MITF: variants seen among roughly 807,000 people sequenced by gnomAD.
MITF encodes the protein microphthalmia-associated transcription factor.
In MITF, 17 loss-of-function variants were observed where a neutral mutation model predicts 60.5. The observed-to-expected ratio is 0.28, with a 90% CI of 0.19 to 0.42. MITF has a LOEUF of 0.42. Ranked by LOEUF, MITF falls within the 10% of genes least tolerant of loss-of-function variation. The pLI is 1.00. For synonymous variants in MITF, 260 were observed against 248.5 expected (o/e 1.05, Z -0.43); for missense variants, 622 against 683.5 (o/e 0.91, Z 1.00).
chr3:69,894,931 A>G (rs1468247274), intron 2 of MITF, among the ~76,000 whole-genome samples: 1 of 152,266 alleles, frequency 6.6e-6, no homozygotes, highest in South Asian at 2.1e-4. Context: ...TGCAAAGTTC[A>G]CTACTTCACA....
chr3:69,942,237 C>G (rs1436137597), intron 5 of MITF, among the ~76,000 whole-genome samples: 1 of 152,102 alleles, frequency 6.6e-6, no homozygotes, highest in Admixed American at 6.6e-5. Context: ...ATGAAAAATT[C>G]TGGAGATCTG....
At chr3:69,813,020 A>T (rs1412651099) in intron 1 of MITF, among the ~76,000 whole-genome samples, 1 of 152,182 alleles carries the variant, frequency 6.6e-6, no homozygotes, top group Non-Finnish European at 1.5e-5. Context: ...TAAATGTACT[A>T]TTATAAGTGT....
At chr3:69,884,434 TG>T (rs1396596622) in intron 2 of MITF, among the ~76,000 whole-genome samples, 1 of 152,164 alleles carries the variant, frequency 6.6e-6, no homozygotes, top group African/African-American at 2.4e-5. Context: ...CCTTCTGGGT[TG>T]TCTCTATCTT....
At chr3:69,808,623 G>A (rs191743735) in intron 1 of MITF, among the ~76,000 whole-genome samples, 2 of 151,996 alleles carry the variant, frequency 1.3e-5, no homozygotes, top group Non-Finnish European at 2.9e-5. Flanking sequence ...AAGGGAGTAC[G>A]GTGTGACCAA....
chr3:69,763,284 G>A (rs879359867), intron 1 of MITF, among the ~76,000 whole-genome samples: 5 of 152,246 alleles, frequency 3.3e-5, no homozygotes, highest in East Asian at 1.9e-4. Context: ...ATGTCCTTGC[G>A]TCCTTTCCTT....
At chr3:69,811,893 A>C (rs745860777) in intron 1 of MITF, among the ~76,000 whole-genome samples, 1 of 152,208 alleles carries the variant, frequency 6.6e-6, no homozygotes, top group East Asian at 1.9e-4. Context: ...CATGAGACAG[A>C]GAGACGGACA....
intron 2 of MITF, among the ~76,000 whole-genome samples, chr3:69,926,475 C>G (rs369542655): frequency 6.6e-6 from 1 of 152,100 alleles, no homozygotes; most frequent in Non-Finnish European, 1.5e-5. Flanking sequence ...TTAAGAGTGT[C>G]GGTACTTATG....
Position 69,951,823 on chromosome 3 carries a change from C to A in MITF, c.892C>A (p.Pro298Thr), listed in dbSNP as rs2107519352. 6.2e-7 allele frequency: 1 copy of A among 1,613,268 alleles called. No homozygotes were observed. Among genetic ancestry groups the A allele is most frequent in the Non-Finnish European group, 8.5e-7 (1 of 1,179,500 alleles). Residue 298 changes from proline to threonine, a missense_variant, in exon 7 of 10, where the codon CCC (proline) becomes ACC (threonine). Pro to Thr is a conservative substitution (Grantham distance 38, BLOSUM62 -1). Around this residue, in one of 5 missense-constraint regions of MITF, gnomAD observed 215 missense variants for 224.8 expected, o/e 0.96. Coordinates refer to ENST00000352241, the MANE Select transcript of MITF (RefSeq NM_001354604.2). ...IKRELTACIF[P>T]TESEARALAK... ...ATTCACGTGCACAGCGTGTATTTTT[C>A]CCACAGAGTCTGAAGCAAGAGCACT...
chr3:69,831,147 A>G (rs9819188), intron 1 of MITF, among the ~76,000 whole-genome samples: 50,624 of 152,010 alleles, frequency 0.33, 9,536 homozygotes, highest in Non-Finnish European at 0.43. Flanking sequence ...ATTGGTTGCA[A>G]TAATGCTGTT....
chr3:69,896,583 C>T (rs1040678235), intron 2 of MITF, among the ~76,000 whole-genome samples: 9 of 152,112 alleles, frequency 5.9e-5, no homozygotes, highest in East Asian at 5.8e-4. Flanking sequence ...ATTCGTGCTC[C>T]GGTTATAAAG....
At chr3:69,847,004 G>T (rs2063744149) in intron 1 of MITF, among the ~76,000 whole-genome samples, 1 of 151,936 alleles carries the variant, frequency 6.6e-6, no homozygotes, top group Non-Finnish European at 1.5e-5. Flanking sequence ...ATCAAACTGG[G>T]GATTATTATG....
intron 9 of MITF, among the ~76,000 whole-genome samples, chr3:69,962,008 A>G (rs770361310): frequency 7.2e-5 from 11 of 152,262 alleles, no homozygotes; most frequent in Non-Finnish European, 1.3e-4. Flanking sequence ...CAATTAAGCC[A>G]GAGTTCTCTA....
intron 1 of MITF, among the ~76,000 whole-genome samples, chr3:69,875,252 C>T (rs1328022867): frequency 1.3e-5 from 2 of 152,212 alleles, no homozygotes; most frequent in South Asian, 2.1e-4. Flanking sequence ...TCAGTGATGC[C>T]GATACATGCC....
intron 9 of MITF, among the ~76,000 whole-genome samples, chr3:69,961,953 T>C (rs971791378): frequency 6.6e-6 from 1 of 152,222 alleles, no homozygotes; most frequent in Admixed American, 6.5e-5. Context: ...TTTAGAACTT[T>C]TGCATATCAC....
intron 1 of MITF, among the ~76,000 whole-genome samples, chr3:69,875,036 A>G (rs1227286767): frequency 5.9e-5 from 9 of 152,142 alleles, no homozygotes; most frequent in Admixed American, 5.2e-4. Context: ...TGTGCTGAAC[A>G]CTTTAATTTA....
chr3:69,807,387 T>C (rs894852071), intron 1 of MITF, among the ~76,000 whole-genome samples: 2 of 152,238 alleles, frequency 1.3e-5, no homozygotes, highest in Non-Finnish European at 2.9e-5. Flanking sequence ...CCTAAGCTAT[T>C]ACTGCTTTGA....
At chr3:69,959,874 T>A (rs1225127509) in intron 9 of MITF, among the ~76,000 whole-genome samples, 1 of 152,244 alleles carries the variant, frequency 6.6e-6, no homozygotes, top group African/African-American at 2.4e-5. Flanking sequence ...GGCCGTGATG[T>A]GCTTACAGAG....
intron 2 of MITF, among the ~76,000 whole-genome samples, chr3:69,916,177 C>A (rs1398366618): frequency 6.6e-6 from 1 of 152,160 alleles, no homozygotes; most frequent in Admixed American, 6.6e-5. Flanking sequence ...ACTTTTACAT[C>A]TGCATTTTAT....
At chr3:69,740,252 T>A (rs931329490) in intron 1 of MITF, among the ~76,000 whole-genome samples, 3 of 151,902 alleles carry the variant, frequency 2.0e-5, no homozygotes, top group African/African-American at 4.8e-5. Context: ...GTGAGGTTTC[T>A]CTGGGCTCCG....
Sources: gnomAD v4.1 joint callset for allele counts (sites outside exome capture counted in the v4.1 genomes callset) on GRCh38, gnomAD v4.1.1 for gene constraint, gnomAD v4.1.1 regional missense constraint, MANE v1.5 for transcripts, NCBI Gene and HGNC (gene_info 2026-07-23, HGNC 2026-07-21) for gene names.